The following PTGER3 variants were observed in gnomAD, a reference collection of about 807,000 sequenced individuals.
PTGER3 encodes prostaglandin E receptor 3, also known as prostaglandin E2 receptor EP3 subtype.
PTGER3 carries 22 observed loss-of-function variants against 34.7 expected under a neutral mutation model. That is an observed-to-expected ratio of 0.63 (90% CI 0.45 to 0.91). The LOEUF (loss-of-function observed/expected upper bound fraction) is 0.91, where lower values mean the gene tolerates loss of function less well. PTGER3 is among the 40% of genes least tolerant of loss of function. PTGER3 has a pLI of 0.00. For synonymous variants in PTGER3, 241 were observed against 230.1 expected (o/e 1.05, Z -0.43); for missense variants, 468 against 519.4 (o/e 0.90, Z 0.96).
intron 4 of PTGER3, among the ~76,000 whole-genome samples, chr1:70,930,912 G>A (rs1174547887): frequency 6.6e-6 from 1 of 152,020 alleles, no homozygotes; most frequent in African/African-American, 2.4e-5. Flanking sequence ...CTTCCCAACA[G>A]TTCCCCTAAG....
At chr1:70,922,321 G>A (rs1282638046) in intron 4 of PTGER3, among the ~76,000 whole-genome samples, 1 of 151,940 alleles carries the variant, frequency 6.6e-6, no homozygotes, top group African/African-American at 2.4e-5. Flanking sequence ...TTTATGACAA[G>A]TCAGAAAGTC....
chr1:70,963,201 C>CAGGGT (rs1194398159), intron 2 of PTGER3, among the ~76,000 whole-genome samples: 1 of 152,184 alleles, frequency 6.6e-6, no homozygotes, highest in African/African-American at 2.4e-5. Context: ...TCTGGCTTTG[C>CAGGGT]AGGGTACATC....
At chr1:70,865,751 A>G (rs3208574) in intron 4 of PTGER3, 1 of 1,367,124 alleles carries the variant, frequency 7.3e-7, no homozygotes, top group South Asian at 1.1e-5. Context: ...CATGGCGGGA[A>G]AGGACAAATC....
chr1:70,963,388 T>TC, intron 2 of PTGER3, among the ~76,000 whole-genome samples: 1 of 152,234 alleles, frequency 6.6e-6, no homozygotes, highest in Non-Finnish European at 1.5e-5. Flanking sequence ...ACCTCACATC[T>TC]CCCCTCCGTA....
At chr1:70,926,694 C>G (rs1287537391) in intron 4 of PTGER3, among the ~76,000 whole-genome samples, 8 of 151,846 alleles carry the variant, frequency 5.3e-5, no homozygotes, top group African/African-American at 1.9e-4. Context: ...ACTAATTGTC[C>G]TGGCCAGAAC....
intron 2 of PTGER3, among the ~76,000 whole-genome samples, chr1:70,979,526 C>T (rs1572836319): frequency 6.6e-6 from 1 of 152,176 alleles, no homozygotes; most frequent in Middle Eastern, 3.4e-3. Context: ...TCATTATTTA[C>T]TTGCTGGTCT....
At chr1:70,891,840 AG>A (rs1215212363) in intron 4 of PTGER3, among the ~76,000 whole-genome samples, 1 of 152,260 alleles carries the variant, frequency 6.6e-6, no homozygotes, top group Non-Finnish European at 1.5e-5. Context: ...AGACCTTAAA[AG>A]GTCCTAATAA....
chr1:71,037,775 C>T (rs1240018471), intron 1 of PTGER3, among the ~76,000 whole-genome samples: 1 of 152,168 alleles, frequency 6.6e-6, no homozygotes, highest in Non-Finnish European at 1.5e-5. Context: ...TGACCAGATC[C>T]AGGTCTCTTG....
At chr1:70,993,461 G>A (rs1655651360) in intron 2 of PTGER3, among the ~76,000 whole-genome samples, 1 of 152,142 alleles carries the variant, frequency 6.6e-6, no homozygotes, top group Admixed American at 6.5e-5. Context: ...ACTGGTCTTG[G>A]GCAGAAGTCT....
chr1:70,853,570 A>G (rs1359024023), intron 4 of PTGER3, among the ~76,000 whole-genome samples: 1 of 152,218 alleles, frequency 6.6e-6, no homozygotes, highest in East Asian at 1.9e-4. Flanking sequence ...TATGCCAAAG[A>G]AACATTATGA....
At chr1:71,039,697 A>G (rs1393280534) in intron 1 of PTGER3, among the ~76,000 whole-genome samples, 1 of 151,666 alleles carries the variant, frequency 6.6e-6, no homozygotes, top group Admixed American at 6.6e-5. Flanking sequence ...AATTAGGCAC[A>G]GTTGGTTTAC....
chr1:71,020,905 T>TA (rs1300374783), intron 1 of PTGER3, among the ~76,000 whole-genome samples: 2 of 152,108 alleles, frequency 1.3e-5, no homozygotes, highest in Non-Finnish European at 2.9e-5. Flanking sequence ...CACACACACT[T>TA]ACTGTGTATC....
chr1:70,889,744 A>T (rs1461378160), intron 4 of PTGER3, among the ~76,000 whole-genome samples: 6 of 152,180 alleles, frequency 3.9e-5, no homozygotes, highest in African/African-American at 1.4e-4. Flanking sequence ...ATGTTAGATA[A>T]TTGCTGATAT....
exon 4 of PTGER3, chr1:70,952,496 A>G (rs1650858979): frequency 1.0e-5 from 10 of 986,926 alleles, no homozygotes; most frequent in Non-Finnish European, 1.1e-5. Context: ...TCACAAACCC[A>G]TAACCTTATG....
exon 4 of PTGER3, chr1:70,952,785 C>T: frequency 1.5e-6 from 2 of 1,349,666 alleles, no homozygotes; most frequent in Non-Finnish European, 1.9e-6. Context: ...GGTAATCTCC[C>T]ACCTTTCCGA....
chr1:70,897,784 AGTTT>A (rs958542536), intron 4 of PTGER3, among the ~76,000 whole-genome samples: 2 of 152,096 alleles, frequency 1.3e-5, no homozygotes, highest in Non-Finnish European at 2.9e-5. Context: ...TTGTGAAATA[AGTTT>A]GTTTGTTTGT....
At chr1:70,949,996 G>A (rs566607879), downstream of PTGER3, among the ~76,000 whole-genome samples, 1 of 152,134 alleles carries the variant, frequency 6.6e-6, no homozygotes, top group South Asian at 2.1e-4. Context: ...ATCTAAAAGA[G>A]TAAATGTGTC....
intron 2 of PTGER3, 139 bp from the exon 3 acceptor site, chr1:70,974,527 A>C: frequency 1.7e-6 from 1 of 580,312 alleles, no homozygotes. Flanking sequence ...GGACCATCTC[A>C]TTTCTACTTC....
chr1:70,867,591 G>T (rs180728008), intron 4 of PTGER3, among the ~76,000 whole-genome samples: 15 of 152,188 alleles, frequency 9.9e-5, no homozygotes, highest in Admixed American at 9.2e-4. Context: ...CAGGTGTGGT[G>T]GCAGGCGCCT....
Sources: allele counts gnomAD v4.1 joint callset (sites outside exome capture counted in the v4.1 genomes callset), GRCh38; gene constraint gnomAD v4.1.1; transcripts MANE v1.5; gene names NCBI Gene and HGNC (gene_info 2026-07-23, HGNC 2026-07-21).